The following SRRM5 variants were observed in gnomAD, a reference collection of about 807,000 sequenced individuals.
The protein encoded by SRRM5 is serine/arginine repetitive matrix protein 5.
Under a neutral mutation model 1.3 loss-of-function variants are expected in SRRM5, and 1 was observed. The ratio of observed to expected loss-of-function variants is 0.76; its 90% CI spans 0.27 to 3.59. The LOEUF (loss-of-function observed/expected upper bound fraction) is 3.59. SRRM5 is among the 30% of genes most tolerant of loss of function. The probability of loss-of-function intolerance (pLI) is 0.19; values close to 1 mark genes in which losing one functional copy is unlikely to be tolerated. For missense variants in SRRM5, 875 were observed against 914.5 expected (o/e 0.96, Z 0.56); for synonymous variants, 275 against 320.2 (o/e 0.86, Z 1.51).
At position 43,614,348 on chromosome 19, in the gene SRRM5, G is replaced by A; in HGVS notation, c.*79G>A. On this transcript the variant is annotated 3_prime_UTR_variant, in exon 1 of 1. Coordinates refer to ENST00000417606, the MANE Select transcript of SRRM5 (RefSeq NM_001145641.2). The stretch of plus-strand genomic sequence containing the variant: ...GAGACAGGAGCAGAGCAGCAGCTGA[G>A]CAGCGTCCCTCCCCGGCCAGCTCTC... 6.4e-7 allele frequency: 1 copy of A among 1,554,704 alleles called. No individual in the cohort carries two copies. The highest frequency in any genetic ancestry group is 1.2e-5 in the South Asian group (1 of 80,806).
chr19:43,613,793 A>C lies in SRRM5; in HGVS notation c.1672A>C (p.Arg558=). 3 of 1,550,032 alleles carry C rather than the reference A, an allele frequency of 1.9e-6. No homozygotes were observed. The highest frequency in any genetic ancestry group is 2.6e-6 in the Non-Finnish European group (3 of 1,145,740). ...SRSPSEEREH[R]QSRSPSKERD... is the part of the protein sequence containing the mutation. ...AAGCCCCAGCGAGGAGAGAGAGCAC[A>C]GACAATCCAGAAGCCCCAGCAAAGA... Residue 558 remains arginine (R), a synonymous_variant, in exon 1 of 1, where the codon AGA becomes CGA. Transcript: ENST00000417606.
In SRRM5 at chr19:43,613,817, GA is replaced by G; in HGVS notation, c.1697del (p.Glu566GlyfsTer121). ...CAGACAATCCAGAAGCCCCAGCAAA[GA>G]GAGAGATCGCAGACGATGGAGAAGC... On this transcript the variant is annotated frameshift_variant, in exon 3 of 3. Transcript: ENST00000607544. LOFTEE classifies it low-confidence loss of function (END_TRUNC). The G allele has an allele frequency of 6.5e-7, 1 of 1,549,440 alleles. No individual in the cohort carries two copies. The highest frequency in any genetic ancestry group is 1.2e-5 in the South Asian group (1 of 83,978).
chr19:43,613,195 C>G lies in SRRM5; in HGVS notation c.1074C>G (p.Asn358Lys), dbSNP rs1973323285. 1.3e-6 allele frequency: 2 copies of G among 1,551,534 alleles called. No individual in the cohort carries two copies. Among genetic ancestry groups the G allele is most frequent in the Non-Finnish European group, 1.7e-6 (2 of 1,146,986 alleles). ...RRGRSHNWSR[N>K]PSKERSHSHS... ...GAAGAAGTCACAACTGGTCTAGAAA[C>G]CCCAGCAAGGAAAGAAGTCATAGCC... is the stretch of plus-strand genomic sequence containing the variant. Residue 358 changes from asparagine to lysine, a missense_variant, in exon 1 of 1, where the codon AAC (asparagine) becomes AAG (lysine). Transcript: ENST00000417606.
In SRRM5 at chr19:43,612,656, A is replaced by T. The variant is rs1414895210; in HGVS notation, c.535A>T (p.Ser179Cys). 5.8e-6 allele frequency: 9 copies of T among 1,551,346 alleles called. No individual in the cohort carries two copies. The highest frequency in any genetic ancestry group is 7.8e-6 in the Non-Finnish European group (9 of 1,146,990). Reference sequence around the variant, plus strand: ...AAAGAGTTACGGCCGGCCTAGAACCAGCAACAGGGAAAGGAGTGACAGCCA... The same window carrying T: ...AAAGAGTTACGGCCGGCCTAGAACCTGCAACAGGGAAAGGAGTGACAGCCA... ...RGKSYGRPRT[S>C]NRERSDSQPR... The change falls in exon 1 of 1, where the codon AGC becomes TGC. Residue 179 changes from serine to cysteine, a missense_variant. Coordinates refer to ENST00000417606, the MANE Select transcript of SRRM5 (RefSeq NM_001145641.2). The surrounding 1 kb of genome is among the most constrained non-coding windows in gnomAD (Gnocchi z 4.2).
rs1236259407 is a variant in SRRM5 at position 43,613,980 on chromosome 19, C to G, written c.1859C>G (p.Ser620Cys). ...ASSKEKAHSR[S>C]RTPSKEGNHS... Reference sequence around the variant, plus strand: ...AGCAAGGAGAAAGCTCATAGCCGATCTAGAACCCCCAGCAAAGAAGGAAAT... The same window carrying G: ...AGCAAGGAGAAAGCTCATAGCCGATGTAGAACCCCCAGCAAAGAAGGAAAT... Residue 620 changes from serine (S) to cysteine (C), a missense_variant, in exon 1 of 1, where the codon TCT becomes TGT. Ser to Cys is a moderately radical substitution (Grantham distance 112). Coordinates refer to ENST00000417606, the MANE Select transcript of SRRM5 (RefSeq NM_001145641.2). The G allele has an allele frequency of 6.4e-7, 1 of 1,551,714 alleles. No homozygotes were observed. The highest frequency in any genetic ancestry group is 8.7e-7 in the Non-Finnish European group (1 of 1,146,988).
chr19:43,614,249 T>C lies in SRRM5; in HGVS notation c.2128T>C (p.Ser710Pro), dbSNP rs1373935330. ...ATLPGERSSS[S>P]SSKLA The stretch of plus-strand genomic sequence containing the variant: ...CTTACCTGGGGAAAGGTCTTCATCA[T>C]CTTCTTCCAAGCTGGCGTAGCCCCC... The change falls in exon 1 of 1, where the codon TCT (serine) becomes CCT (proline). Residue 710 changes from serine (S) to proline (P), a missense_variant. Transcript: ENST00000417606. The C allele has an allele frequency of 2.5e-6, 4 of 1,613,962 alleles. No homozygotes were observed. The Admixed American group carries it at 6.7e-5, about 27-fold the overall frequency.
Position 43,612,569 on chromosome 19 carries a change from G to GC in SRRM5, c.450dup (p.Arg151GlnfsTer27), listed in dbSNP as rs1973311752. ...TCCTGGCAGGATAAGAACTCATGGTGCCAGACCAGGCATGGCCAGCAGGGT... is the reference window on the plus strand; with the variant it reads ...TCCTGGCAGGATAAGAACTCATGGTGCCCAGACCAGGCATGGCCAGCAGGGT... On this transcript the variant is annotated frameshift_variant, in exon 3 of 3. Transcript: ENST00000607544. LOFTEE classifies it low-confidence loss of function (END_TRUNC). The surrounding 1 kb of genome is among the most constrained non-coding windows in gnomAD (Gnocchi z 4.2). 6.4e-7 allele frequency: 1 copy of GC among 1,551,392 alleles called. No homozygotes were observed. The highest frequency in any genetic ancestry group is 1.2e-5 in the South Asian group (1 of 84,044).
Position 43,613,674 on chromosome 19 carries a change from A to G in SRRM5, c.1553A>G (p.Glu518Gly). The G allele has an allele frequency of 6.4e-7, 1 of 1,551,476 alleles. No homozygotes were observed. Among genetic ancestry groups the G allele is most frequent in the Non-Finnish European group, 8.7e-7 (1 of 1,146,948 alleles). Residue 518 changes from glutamate (E) to glycine (G), a missense_variant, in exon 1 of 1, where the codon GAG (glutamate) becomes GGG (glycine). By Grantham distance (98) the Glu-to-Gly change is moderately conservative (BLOSUM62 -2). Coordinates refer to ENST00000417606, the MANE Select transcript of SRRM5 (RefSeq NM_001145641.2). Reference protein sequence around the residue: ...QCRQSRSSSKERDHRRSRSPS... With the variant: ...QCRQSRSSSKGRDHRRSRSPS... ...AGACAATCTAGAAGCTCCAGCAAAGAGAGAGATCACAGACGATCTAGAAGC... is the reference window on the plus strand; with the variant it reads ...AGACAATCTAGAAGCTCCAGCAAAGGGAGAGATCACAGACGATCTAGAAGC...
rs1973352585 is a variant in SRRM5, at chr19:43,614,493, T to C, written c.*224T>C. Reference sequence around the variant, plus strand: ...TCAATAAATTTTTACATAGCACCCATCCCCACCAAGCCCAACTGTGTGCTC... The same window carrying C: ...TCAATAAATTTTTACATAGCACCCACCCCCACCAAGCCCAACTGTGTGCTC... On this transcript the variant is annotated 3_prime_UTR_variant, in exon 1 of 1. Transcript: ENST00000417606. 2 of 1,405,712 alleles carry C rather than the reference T, an allele frequency of 1.4e-6. No homozygotes were observed. Among genetic ancestry groups the C allele is most frequent in the Non-Finnish European group, 1.9e-6 (2 of 1,080,314 alleles). The allele number at this position is 1,405,712 out of a possible 1,614,324, so 87.1% of individuals were successfully genotyped here.
Position 43,613,047 on chromosome 19 carries a change from GA to G in SRRM5, c.929del (p.Asn310ThrfsTer14). The G allele has an allele frequency of 1.3e-6, 2 of 1,551,614 alleles. No homozygotes were observed. The highest frequency in any genetic ancestry group is 1.7e-6 in the Non-Finnish European group (2 of 1,146,972). On this transcript the variant is annotated frameshift_variant, in exon 3 of 3. Transcript: ENST00000607544. LOFTEE classifies it low-confidence loss of function (END_TRUNC). Reference sequence around the variant, plus strand: ...AGAGTGAGAAGTCACAGTTGGAAGAGAAACCATAGCAGGGCAAGAAGTCGCA... The same window carrying G: ...AGAGTGAGAAGTCACAGTTGGAAGAGAACCATAGCAGGGCAAGAAGTCGCA...
rs149011418 is a variant in SRRM5, at chr19:43,612,462, G to A, written c.341G>A (p.Arg114Gln). Residue 114 changes from arginine to glutamine, a missense_variant, in exon 1 of 1, where the codon CGG becomes CAG. Transcript: ENST00000417606. This position sits in a 1 kb window ranked among gnomAD's most constrained non-coding sequence, Gnocchi z 4.2. Reference protein sequence around the residue: ...SKASDVRCHQRRGTHSRGRTP... With the variant: ...SKASDVRCHQQRGTHSRGRTP... ...GCCAGCGACGTGAGATGCCACCAGC[G>A]GAGGGGCACACACAGCCGGGGTAGG... The A allele has an allele frequency of 2.3e-5, 35 of 1,551,472 alleles. No homozygotes were observed. The highest frequency in any genetic ancestry group is 1.7e-4 in the Middle Eastern group (1 of 5,992).
In SRRM5 at chr19:43,614,338, C is replaced by A. The variant is rs562123832; in HGVS notation, c.*69C>A. On this transcript the variant is annotated 3_prime_UTR_variant, in exon 1 of 1. Transcript: ENST00000417606. ...GAGGGGACAGGAGACAGGAGCAGAGCAGCAGCTGAGCAGCGTCCCTCCCCG... is the reference window on the plus strand; with the variant it reads ...GAGGGGACAGGAGACAGGAGCAGAGAAGCAGCTGAGCAGCGTCCCTCCCCG... The A allele has an allele frequency of 1.3e-6, 2 of 1,569,560 alleles. No individual in the cohort carries two copies. Among genetic ancestry groups the A allele is most frequent in the South Asian group, 2.4e-5 (2 of 83,590 alleles).
rs759380832 is a variant in SRRM5 at position 43,614,317 on chromosome 19, G to GGACAGGA, written c.*57_*63dup. The GGACAGGA allele has an allele frequency of 3.1e-6, 5 of 1,594,248 alleles. No individual in the cohort carries two copies. The highest frequency in any genetic ancestry group is 2.7e-5 in the African/African-American group (2 of 74,384). Reference sequence around the variant, plus strand: ...GGGTCTCTGTCATGACCGGGGGAGGGGACAGGAGACAGGAGCAGAGCAGCA... The same window carrying GGACAGGA: ...GGGTCTCTGTCATGACCGGGGGAGGGGACAGGAGACAGGAGACAGGAGCAGAGCAGCA... On this transcript the variant is annotated 3_prime_UTR_variant, in exon 1 of 1. Transcript: ENST00000417606.
In SRRM5 at chr19:43,612,401, G is replaced by A; in HGVS notation, c.280G>A (p.Val94Met). 2 of 1,551,658 alleles carry A rather than the reference G, an allele frequency of 1.3e-6. No individual in the cohort carries two copies. Among genetic ancestry groups the A allele is most frequent in the African/African-American group, 1.4e-5 (1 of 73,138 alleles). Residue 94 changes from valine (V) to methionine (M), a missense_variant, in exon 1 of 1, where the codon GTG (valine) becomes ATG (methionine). Transcript: ENST00000417606. The surrounding 1 kb of genome is among the most constrained non-coding windows in gnomAD (Gnocchi z 4.2). ...VRSKARTPSR[V>M]STDTRTSKAS... ...CAGCAAAGCAAGAACACCCAGCAGG[G>A]TGAGCACCGACACCAGGACCAGCAA...
At position 43,612,623 on chromosome 19, in the gene SRRM5, A is replaced by T; in HGVS notation, c.502A>T (p.Ser168Cys). The change falls in exon 1 of 1, where the codon AGC becomes TGC. Residue 168 changes from serine to cysteine, a missense_variant. By Grantham distance (112) the Ser-to-Cys change is moderately radical (BLOSUM62 -1). Coordinates refer to ENST00000417606, the MANE Select transcript of SRRM5 (RefSeq NM_001145641.2). The surrounding 1 kb of genome is among the most constrained non-coding windows in gnomAD (Gnocchi z 4.2). ...AACTCCCACTTCACAGCAAAAAGGG[A>T]GCCGGGGAAAGAGTTACGGCCGGCC... ...VRTPTSQQKG[S>C]RGKSYGRPRT... 1 of 1,551,528 alleles carries T rather than the reference A, an allele frequency of 6.4e-7. No individual in the cohort carries two copies. The highest frequency in any genetic ancestry group is 1.4e-5 in the African/African-American group (1 of 73,142).
rs1262927678 is a variant in SRRM5, at chr19:43,613,811, A to G, written c.1690A>G (p.Ser564Gly). 1 of 1,549,432 alleles carries G rather than the reference A, an allele frequency of 6.5e-7. No homozygotes were observed. Among genetic ancestry groups the G allele is most frequent in the Non-Finnish European group, 8.7e-7 (1 of 1,145,226 alleles). The change falls in exon 1 of 1, where the codon AGC (serine) becomes GGC (glycine). Residue 564 changes from serine (S) to glycine (G), a missense_variant. Ser to Gly is a moderately conservative substitution (Grantham distance 56). Transcript: ENST00000417606. ...EREHRQSRSP[S>G]KERDRRRWRS... is the part of the protein sequence containing the mutation. ...AGAGCACAGACAATCCAGAAGCCCCAGCAAAGAGAGAGATCGCAGACGATG... is the reference window on the plus strand; with the variant it reads ...AGAGCACAGACAATCCAGAAGCCCCGGCAAAGAGAGAGATCGCAGACGATG...
chr19:43,614,331 A>G lies in SRRM5; in HGVS notation c.*62A>G. ...ACCGGGGGAGGGGACAGGAGACAGG[A>G]GCAGAGCAGCAGCTGAGCAGCGTCC... is the stretch of plus-strand genomic sequence containing the variant. On this transcript the variant is annotated 3_prime_UTR_variant, in exon 1 of 1. Transcript: ENST00000417606. 13 of 1,574,120 alleles carry G rather than the reference A, an allele frequency of 8.3e-6. No homozygotes were observed. Among genetic ancestry groups the G allele is most frequent in the Non-Finnish European group, 1.1e-5 (13 of 1,161,576 alleles).
chr19:43,613,968 C>T lies in SRRM5; in HGVS notation c.1847C>T (p.Ala616Val). ...CCTAGAGCCTCCAGCAAGGAGAAAG[C>T]TCATAGCCGATCTAGAACCCCCAGC... Reference protein sequence around the residue: ...SRPRASSKEKAHSRSRTPSKE... With the variant: ...SRPRASSKEKVHSRSRTPSKE... Residue 616 changes from alanine to valine, a missense_variant, in exon 1 of 1, where the codon GCT becomes GTT. Coordinates refer to ENST00000417606, the MANE Select transcript of SRRM5 (RefSeq NM_001145641.2). 5.8e-6 allele frequency: 9 copies of T among 1,551,490 alleles called. No homozygotes were observed. Among genetic ancestry groups the T allele is most frequent in the Non-Finnish European group, 7.8e-6 (9 of 1,146,942 alleles).
At position 43,612,872 on chromosome 19, in the gene SRRM5, C is replaced by G. The variant is rs1348847721; in HGVS notation, c.751C>G (p.Pro251Ala). ...GAAGAGCTACGGTCAGATGATCATC[C>G]CCAGTAGGGAAAAGAGTTACAGCCC... ...KVKSYGQMIIPSREKSYSPTE... is the reference protein window; with the variant it reads ...KVKSYGQMIIASREKSYSPTE... Residue 251 changes from proline to alanine, a missense_variant, in exon 1 of 1, where the codon CCC (proline) becomes GCC (alanine). Coordinates refer to ENST00000417606, the MANE Select transcript of SRRM5 (RefSeq NM_001145641.2). The surrounding 1 kb of genome is among the most constrained non-coding windows in gnomAD (Gnocchi z 4.2). 5 of 1,551,518 alleles carry G rather than the reference C, an allele frequency of 3.2e-6. No homozygotes were observed. In the Admixed American group the frequency reaches 9.8e-5, roughly 30 times the overall value.
Sources: gnomAD v4.1 joint callset for allele counts on GRCh38, gnomAD v4.1.1 for gene constraint, Gnocchi (gnomAD v3.1) non-coding constraint, MANE v1.5 for transcripts, NCBI Gene and HGNC (gene_info 2026-07-23, HGNC 2026-07-21) for gene names.